GPHN: variants seen among roughly 807,000 people sequenced by gnomAD.
GPHN encodes the protein gephyrin.
A neutral mutation model predicts 95.5 loss-of-function variants in GPHN; 17 were observed. That is an observed-to-expected ratio of 0.18 (90% CI 0.12 to 0.27). The LOEUF (loss-of-function observed/expected upper bound fraction) is 0.27. Ranked by LOEUF, GPHN falls within the 10% of genes least tolerant of loss-of-function variation. The pLI is 1.00. For missense variants in GPHN, 660 were observed against 978.1 expected, an observed-to-expected ratio of 0.67 and a Z score of 4.34; for synonymous variants, 320 against 322.5, an observed-to-expected ratio of 0.99 and a Z score of 0.08.
intron 1 of GPHN, among the ~76,000 whole-genome samples, chr14:66,630,406 T>C (rs1415077686): frequency 3.3e-5 from 5 of 152,102 alleles, no homozygotes; most frequent in African/African-American, 1.2e-4. Context: ...GAAATAAATG[T>C]CAGAAGCAGA....
At chr14:67,269,315 A>G in the GPHN span, among the ~76,000 whole-genome samples, 5 of 152,024 alleles carry the variant, frequency 3.3e-5, no homozygotes, top group African/African-American at 1.2e-4. Flanking sequence ...TACTGCTGCT[A>G]TGAATATTTT....
the GPHN span, among the ~76,000 whole-genome samples, chr14:67,353,535 T>C: frequency 6.6e-6 from 1 of 152,118 alleles, no homozygotes; most frequent in African/African-American, 2.4e-5. Context: ...AGGCCCAGGC[T>C]GGAGTGCAAT....
chr14:66,813,082 C>A (rs1387347794), intron 3 of GPHN, among the ~76,000 whole-genome samples: 2 of 152,044 alleles, frequency 1.3e-5, no homozygotes, highest in Non-Finnish European at 2.9e-5. Context: ...ATTTTTTTTA[C>A]TGAAGTCAAA....
At chr14:67,100,535 T>C (rs1456464929) in intron 12 of GPHN, among the ~76,000 whole-genome samples, 3 of 152,110 alleles carry the variant, frequency 2.0e-5, no homozygotes, top group Non-Finnish European at 2.9e-5. Context: ...TTTAGGAAGA[T>C]TGGCTAGAAT....
At chr14:67,289,415 C>T in the GPHN span, among the ~76,000 whole-genome samples, 1 of 151,926 alleles carries the variant, frequency 6.6e-6, no homozygotes, top group Non-Finnish European at 1.5e-5. Flanking sequence ...ATGTGTATAC[C>T]TTATATGCAA....
At chr14:67,398,899 A>G in the GPHN span, among the ~76,000 whole-genome samples, 1 of 152,300 alleles carries the variant, frequency 6.6e-6, no homozygotes, top group South Asian at 2.1e-4. Flanking sequence ...TTCTCATACC[A>G]TTAAATTTCT....
chr14:66,718,260 T>A (rs2070382044), intron 2 of GPHN, among the ~76,000 whole-genome samples: 1 of 152,000 alleles, frequency 6.6e-6, no homozygotes, highest in Non-Finnish European at 1.5e-5. Flanking sequence ...GTCTGGAGTT[T>A]CTTCCTTCTG....
At chr14:67,619,781 A>C in the GPHN span, 1 of 543,092 alleles carries the variant, frequency 1.8e-6, no homozygotes, top group Non-Finnish European at 3.3e-6. Context: ...AGCCTTGCAG[A>C]GCGGTGGGCG....
At chr14:67,411,127 AC>A in the GPHN span, among the ~76,000 whole-genome samples, 2 of 131,208 alleles carry the variant, frequency 1.5e-5, no homozygotes, top group African/African-American at 5.9e-5. Flanking sequence ...AGCCTGGGTG[AC>A]CCTGTCTCAA....
At chr14:66,795,700 A>T (rs1420396145) in intron 3 of GPHN, among the ~76,000 whole-genome samples, 1 of 151,888 alleles carries the variant, frequency 6.6e-6, no homozygotes, top group Non-Finnish European at 1.5e-5. Flanking sequence ...TTAATTTCTA[A>T]TTTTTGTGTG....
chr14:66,815,743 A>C (rs953831330), intron 3 of GPHN, among the ~76,000 whole-genome samples: 53 of 152,226 alleles, frequency 3.5e-4, no homozygotes, highest in African/African-American at 1.2e-3. Context: ...ACTAGAAAGC[A>C]ACCACATATG....
chr14:67,134,193 T>C (rs2079900152), intron 17 of GPHN, among the ~76,000 whole-genome samples: 1 of 152,232 alleles, frequency 6.6e-6, no homozygotes, highest in South Asian at 2.1e-4. Context: ...AGGTTTTTGT[T>C]TGAATTCTTT....
chr14:67,307,843 G>A, the GPHN span, among the ~76,000 whole-genome samples: 1 of 152,094 alleles, frequency 6.6e-6, no homozygotes, highest in African/African-American at 2.4e-5. Flanking sequence ...AATGCCCATC[G>A]ATGATAGATT....
chr14:67,587,690 G>C, the GPHN span: 7 of 177,808 alleles, frequency 3.9e-5, no homozygotes, highest in African/African-American at 1.7e-4. Context: ...TGGGATTACA[G>C]GTGTGCGCCA....
chr14:67,224,134 C>T, the GPHN span, among the ~76,000 whole-genome samples: 2 of 152,210 alleles, frequency 1.3e-5, no homozygotes, highest in East Asian at 3.9e-4. Context: ...TTTTTTTCTC[C>T]TTTTCTGCAT....
intron 21 of GPHN, 139 bp from the exon 22 acceptor site, chr14:67,179,439 A>G: frequency 3.0e-6 from 2 of 672,198 alleles, no homozygotes; most frequent in Non-Finnish European, 2.7e-6. Context: ...AAAGAACATA[A>G]GGTGGTAGTG....
At chr14:66,864,434 T>C (rs1177699548) in intron 4 of GPHN, among the ~76,000 whole-genome samples, 1 of 152,122 alleles carries the variant, frequency 6.6e-6, no homozygotes, top group Non-Finnish European at 1.5e-5. Flanking sequence ...AAAATGGAGC[T>C]ACCATATGAT....
intron 1 of GPHN, among the ~76,000 whole-genome samples, chr14:66,535,271 C>T (rs867500527): frequency 6.6e-6 from 1 of 151,998 alleles, no homozygotes; most frequent in Non-Finnish European, 1.5e-5. Context: ...TTATAGAACA[C>T]TTTTGATATA....
chr14:67,091,789 A>G (rs2077157445), intron 12 of GPHN, among the ~76,000 whole-genome samples: 1 of 151,374 alleles, frequency 6.6e-6, no homozygotes, highest in South Asian at 2.1e-4. Flanking sequence ...AAAAATTTTT[A>G]TGTAAAATTA....
Sources: allele counts gnomAD v4.1 joint callset (sites outside exome capture counted in the v4.1 genomes callset), GRCh38; gene constraint gnomAD v4.1.1; transcripts MANE v1.5; gene names NCBI Gene and HGNC (gene_info 2026-07-23, HGNC 2026-07-21).